Variants in CYFIP2 observed in about 807,000 individuals in gnomAD.
The protein encoded by CYFIP2 is cytoplasmic FMR1-interacting protein 2.
A neutral mutation model predicts 158.7 loss-of-function variants in CYFIP2; 29 were observed. That is an observed-to-expected ratio of 0.18 (90% CI 0.14 to 0.25). CYFIP2 has a LOEUF of 0.25. CYFIP2 is among the 10% of genes least tolerant of loss of function. The pLI is 1.00. For synonymous variants in CYFIP2, 585 were observed against 617.6 expected (o/e 0.95, Z 0.78); for missense variants, 852 against 1,639.5 (o/e 0.52, Z 8.29).
At chr5:157,294,158 C>T (rs1327865037) in intron 3 of CYFIP2, among the ~76,000 whole-genome samples, 3 of 152,332 alleles carry the variant, frequency 2.0e-5, no homozygotes, top group African/African-American at 4.8e-5. Flanking sequence ...TCACACACCT[C>T]TCATAATCCT....
At chr5:157,341,950 A>G (rs1183344872) in intron 23 of CYFIP2, 1 of 152,286 alleles carries the variant, frequency 6.6e-6, no homozygotes, top group Non-Finnish European at 1.5e-5. Context: ...TTTAACTAAC[A>G]CTGACTCGCA....
Position 157,390,629 on chromosome 5 carries a change from G to A in CYFIP2, c.3555G>A (p.Val1185=). The change falls in exon 30 of 31, where the codon GTG becomes GTA. Residue 1185 remains valine, a synonymous_variant. Coordinates refer to ENST00000620254, the MANE Select transcript of CYFIP2 (RefSeq NM_001037333.3). The stretch of plus-strand genomic sequence containing the variant: ...ACTTCTGTTACCACCTGCTAAAAGT[G>A]CAGAGGCAGGACGGGAAGGATGAAA... The part of the protein sequence containing the change: ...LFDFCYHLLK[V]QRQDGKDEII... The A allele has an allele frequency of 1.3e-6, 2 of 1,581,768 alleles. No individual in the cohort carries two copies. Among genetic ancestry groups the A allele is most frequent in the South Asian group, 1.2e-5 (1 of 86,098 alleles).
chr5:157,366,296 G>A (rs1192963357), intron 26 of CYFIP2, among the ~76,000 whole-genome samples: 1 of 152,132 alleles, frequency 6.6e-6, no homozygotes. Context: ...TTATGGATTT[G>A]TGGCCATTAT....
chr5:157,382,735 A>G (rs1766253441), intron 27 of CYFIP2, 73 bp downstream of exon 27: 3 of 1,437,562 alleles, frequency 2.1e-6, no homozygotes. Flanking sequence ...ATTGCAGTCA[A>G]CTCAGATCTA....
At chr5:157,382,097 C>G (rs1324547919) in intron 26 of CYFIP2, among the ~76,000 whole-genome samples, 1 of 152,192 alleles carries the variant, frequency 6.6e-6, no homozygotes, top group East Asian at 1.9e-4. Flanking sequence ...TCCCTCTTTT[C>G]TTGCTAGTTG....
Position 157,395,281 on chromosome 5 carries a change from A to AT in CYFIP2, c.*2289dup, listed in dbSNP as rs1411829540. Reference sequence around the variant, plus strand: ...GGCATTACTGCCCCAGCCTCTTTTTATTTTTTTTGTGTGTGTCTAATAACC... The same window carrying AT: ...GGCATTACTGCCCCAGCCTCTTTTTATTTTTTTTTGTGTGTGTCTAATAACC... On this transcript the variant is annotated 3_prime_UTR_variant, in exon 31 of 31. Coordinates refer to ENST00000620254, the MANE Select transcript of CYFIP2 (RefSeq NM_001037333.3). 29 of 276,280 alleles carry AT rather than the reference A, an allele frequency of 1.0e-4. No homozygotes were observed. Among genetic ancestry groups the AT allele is most frequent in the Non-Finnish European group, 1.5e-4 (21 of 144,734 alleles). The allele number at this position is 276,280 out of a possible 1,614,324, so 17.1% of individuals were successfully genotyped here. A position where few individuals can be genotyped will look rare whatever the true frequency, so the allele number is the denominator to read the frequency against.
In CYFIP2 at chr5:157,389,284, C is replaced by A. The variant is rs2113550092; in HGVS notation, c.3303C>A (p.Ser1101Arg). The change falls in exon 29 of 31, where the codon AGC (serine) becomes AGA (arginine). Residue 1101 changes from serine to arginine, a missense_variant. This residue lies in a region of CYFIP2 where 223 missense variants were observed against 381.6 expected (regional missense o/e 0.58). Transcript: ENST00000620254. The part of the protein sequence containing the change: ...MFEVILTRIR[S>R]YLQDPIWRGP... ...AGGTCATCCTGACCCGCATTCGGAG[C>A]TACCTGCAGGACCCCATCTGGCGGG... The A allele has an allele frequency of 6.2e-7, 1 of 1,614,080 alleles. No homozygotes were observed. Among genetic ancestry groups the A allele is most frequent in the Non-Finnish European group, 8.5e-7 (1 of 1,179,892 alleles).
chr5:157,392,078 A>G (rs1318947001), intron 30 of CYFIP2, among the ~76,000 whole-genome samples: 1 of 152,148 alleles, frequency 6.6e-6, no homozygotes, highest in African/African-American at 2.4e-5. Flanking sequence ...AAAAATGTCT[A>G]TTCAAGTCCT....
At chr5:157,339,568 C>T (rs1762094667) in intron 22 of CYFIP2, among the ~76,000 whole-genome samples, 1 of 152,346 alleles carries the variant, frequency 6.6e-6, no homozygotes, top group African/African-American at 2.4e-5. Flanking sequence ...TACCTTCCTG[C>T]CTCTTGAGTC....
intron 23 of CYFIP2, among the ~76,000 whole-genome samples, chr5:157,358,658 A>T (rs887108483): frequency 6.6e-6 from 1 of 152,176 alleles, no homozygotes; most frequent in Non-Finnish European, 1.5e-5. Context: ...TTAAGAAAGG[A>T]TATCGGCTGT....
chr5:157,366,276 G>A (rs1010838234), intron 26 of CYFIP2, among the ~76,000 whole-genome samples: 43 of 152,100 alleles, frequency 2.8e-4, no homozygotes, highest in African/African-American at 9.7e-4. Flanking sequence ...GCCTTTTTAA[G>A]TCATCTTTCT....
intron 23 of CYFIP2, among the ~76,000 whole-genome samples, chr5:157,349,850 A>C (rs762393347): frequency 6.6e-6 from 1 of 152,152 alleles, no homozygotes; most frequent in South Asian, 2.1e-4. Context: ...TTTGATTTGC[A>C]TTTCCCTGAT....
At chr5:157,359,974 T>G (rs1261359025) in intron 24 of CYFIP2, among the ~76,000 whole-genome samples, 1 of 152,232 alleles carries the variant, frequency 6.6e-6, no homozygotes, top group Non-Finnish European at 1.5e-5. Flanking sequence ...AAATAGCATG[T>G]TTCAATCTGC....
intron 28 of CYFIP2, among the ~76,000 whole-genome samples, chr5:157,388,770 C>T (rs530636345): frequency 3.3e-5 from 5 of 152,262 alleles, no homozygotes; most frequent in South Asian, 4.1e-4. Context: ...ATGGCATCTA[C>T]CTCATGGGAT....
At chr5:157,322,487 A>G (rs1561725956) in intron 15 of CYFIP2, among the ~76,000 whole-genome samples, 2 of 152,212 alleles carry the variant, frequency 1.3e-5, no homozygotes, top group African/African-American at 4.8e-5. Context: ...ACTGGACAGC[A>G]CCCACAACAG....
chr5:157,353,992 A>T (rs957398483), intron 23 of CYFIP2, among the ~76,000 whole-genome samples: 2 of 152,352 alleles, frequency 1.3e-5, no homozygotes, highest in South Asian at 2.1e-4. Flanking sequence ...CAACATTTAA[A>T]CATGGCTAAA....
chr5:157,288,740 C>T (rs954759380), intron 3 of CYFIP2: 1 of 419,286 alleles, frequency 2.4e-6, no homozygotes, highest in Admixed American at 2.6e-5. Flanking sequence ...CAGGGTCCTG[C>T]AGCTGACAAG....
intron 23 of CYFIP2, among the ~76,000 whole-genome samples, chr5:157,348,957 A>C (rs1156514695): frequency 6.6e-6 from 1 of 151,118 alleles, no homozygotes; most frequent in East Asian, 2.0e-4. Context: ...CTCAAAAAAA[A>C]AAAAAAAGCA....
At chr5:157,358,732 G>T (rs1275268637) in intron 23 of CYFIP2, among the ~76,000 whole-genome samples, 3 of 152,160 alleles carry the variant, frequency 2.0e-5, no homozygotes, top group African/African-American at 4.8e-5. Context: ...GTCATGGGTG[G>T]CAGGAATCCC....
Sources: allele counts gnomAD v4.1 joint callset (sites outside exome capture counted in the v4.1 genomes callset), GRCh38; gene constraint gnomAD v4.1.1; regional missense constraint gnomAD v4.1.1; transcripts MANE v1.5; gene names NCBI Gene and HGNC (gene_info 2026-07-23, HGNC 2026-07-21).